The following AGBL4 variants were observed in gnomAD, a reference collection of about 807,000 sequenced individuals.
AGBL4 encodes cytosolic carboxypeptidase 6.
A neutral mutation model predicts 66.4 loss-of-function variants in AGBL4; 58 were observed. That is an observed-to-expected ratio of 0.87 (90% CI 0.71 to 1.09). The LOEUF is 1.09. Ranked by LOEUF, AGBL4 falls within the 50% of genes least tolerant of loss-of-function variation. AGBL4 has a pLI of 0.00. For missense variants in AGBL4, 579 were observed against 631.0 expected (o/e 0.92, Z 0.88); for synonymous variants, 234 against 222.9 (o/e 1.05, Z -0.44).
chr1:49,644,065 GA>G (rs1219802796), intron 3 of AGBL4, among the ~76,000 whole-genome samples: 1 of 151,664 alleles, frequency 6.6e-6, no homozygotes, highest in African/African-American at 2.4e-5. Context: ...GATGGAGTGA[GA>G]GGGGGAAATG....
intron 1 of AGBL4, among the ~76,000 whole-genome samples, chr1:50,020,213 A>C (rs546173308): frequency 6.6e-6 from 1 of 152,098 alleles, no homozygotes; most frequent in African/African-American, 2.4e-5. Context: ...GCAGTGAAAA[A>C]CCAATGAAGA....
chr1:49,213,128 T>TAAATAG (rs914884187), intron 4 of AGBL4, among the ~76,000 whole-genome samples: 160 of 152,160 alleles, frequency 1.1e-3, no homozygotes, highest in African/African-American at 3.7e-3. Context: ...TGGAGAAGGG[T>TAAATAG]AAATAGATAA....
At chr1:49,175,131 T>C (rs2148173032) in intron 4 of AGBL4, 1 of 152,146 alleles carries the variant, frequency 6.6e-6, no homozygotes, top group East Asian at 1.9e-4. Flanking sequence ...TAATGAGAGT[T>C]GAGATTTTTC....
At chr1:49,889,105 T>G (rs1648371392) in intron 1 of AGBL4, among the ~76,000 whole-genome samples, 1 of 152,222 alleles carries the variant, frequency 6.6e-6, no homozygotes, top group Non-Finnish European at 1.5e-5. Flanking sequence ...AGATTAGAGA[T>G]GAACTCATCG....
intron 5 of AGBL4, among the ~76,000 whole-genome samples, chr1:48,955,494 T>C (rs1276478302): frequency 6.6e-6 from 1 of 152,210 alleles, no homozygotes; most frequent in Non-Finnish European, 1.5e-5. Context: ...GAAAACTTTG[T>C]ATGCCATTTT....
intron 3 of AGBL4, among the ~76,000 whole-genome samples, chr1:49,281,660 T>G (rs1269792319): frequency 6.6e-6 from 1 of 152,244 alleles, no homozygotes; most frequent in Non-Finnish European, 1.5e-5. Context: ...CTCAGTTTCC[T>G]GGCATACAGC....
chr1:49,593,164 T>C (rs1409289680), intron 3 of AGBL4, among the ~76,000 whole-genome samples: 2 of 152,136 alleles, frequency 1.3e-5, no homozygotes, highest in African/African-American at 4.8e-5. Flanking sequence ...ATCCCAGCAG[T>C]TTGGGAGGCC....
intron 6 of AGBL4, among the ~76,000 whole-genome samples, chr1:48,716,119 C>G (rs746739822): frequency 3.3e-5 from 5 of 152,196 alleles, no homozygotes; most frequent in Non-Finnish European, 7.3e-5. Context: ...TAATTAGAGA[C>G]TACATATTTA....
intron 3 of AGBL4, among the ~76,000 whole-genome samples, chr1:49,348,308 C>T (rs1231764068): frequency 1.3e-5 from 2 of 152,004 alleles, no homozygotes; most frequent in African/African-American, 2.4e-5. Context: ...GTCCCAGCTA[C>T]TGGGTAGGCT....
intron 6 of AGBL4, among the ~76,000 whole-genome samples, chr1:48,822,160 G>C (rs1002203268): frequency 6.6e-6 from 1 of 152,242 alleles, no homozygotes; most frequent in African/African-American, 2.4e-5. Flanking sequence ...TTATATAATT[G>C]ATTCTGCAAT....
At chr1:49,711,587 T>C (rs1647670061) in intron 2 of AGBL4, among the ~76,000 whole-genome samples, 1 of 152,086 alleles carries the variant, frequency 6.6e-6, no homozygotes, top group African/African-American at 2.4e-5. Flanking sequence ...GGATATATTA[T>C]GAAGGAGCCT....
At chr1:49,636,506 T>C (rs1282685499) in intron 3 of AGBL4, among the ~76,000 whole-genome samples, 2 of 152,114 alleles carry the variant, frequency 1.3e-5, no homozygotes, top group Non-Finnish European at 2.9e-5. Flanking sequence ...ATTCAGTCCA[T>C]AGTAGTGAAA....
chr1:49,587,436 G>A (rs1464021426), intron 3 of AGBL4, among the ~76,000 whole-genome samples: 1 of 152,140 alleles, frequency 6.6e-6, no homozygotes, highest in African/African-American at 2.4e-5. Context: ...GAGATATGGT[G>A]ACTCATCTCA....
chr1:49,360,451 T>G (rs1270054021), intron 3 of AGBL4, among the ~76,000 whole-genome samples: 2 of 152,224 alleles, frequency 1.3e-5, no homozygotes, highest in Non-Finnish European at 2.9e-5. Context: ...GTCATTATAA[T>G]TTTTAGTAAC....
At chr1:49,420,989 T>A (rs961484860) in intron 3 of AGBL4, among the ~76,000 whole-genome samples, 1 of 152,156 alleles carries the variant, frequency 6.6e-6, no homozygotes, top group Non-Finnish European at 1.5e-5. Context: ...AGAACACAAG[T>A]AAGTCTCTCA....
At chr1:48,807,110 T>C (rs1257937464) in intron 6 of AGBL4, among the ~76,000 whole-genome samples, 1 of 152,246 alleles carries the variant, frequency 6.6e-6, no homozygotes, top group Non-Finnish European at 1.5e-5. Context: ...CATTCTGTGA[T>C]ATGCTTTTGA....
chr1:49,286,520 G>T (rs1188862422), intron 3 of AGBL4, among the ~76,000 whole-genome samples: 2 of 152,042 alleles, frequency 1.3e-5, no homozygotes, highest in Non-Finnish European at 2.9e-5. Context: ...AAAGTCTCAG[G>T]ATACAAAATC....
intron 6 of AGBL4, among the ~76,000 whole-genome samples, chr1:48,741,149 A>G (rs931095316): frequency 6.6e-6 from 1 of 152,218 alleles, no homozygotes; most frequent in Non-Finnish European, 1.5e-5. Context: ...TACTTTAAGA[A>G]AAACTCTCTA....
intron 1 of AGBL4, among the ~76,000 whole-genome samples, chr1:49,963,554 C>A (rs763153705): frequency 2.0e-5 from 3 of 152,130 alleles, no homozygotes; most frequent in Non-Finnish European, 4.4e-5. Flanking sequence ...ATAAAATATT[C>A]CAACATAGGC....
Sources: gnomAD v4.1 joint callset for allele counts (sites outside exome capture counted in the v4.1 genomes callset) on GRCh38, gnomAD v4.1.1 for gene constraint, MANE v1.5 for transcripts, NCBI Gene and HGNC (gene_info 2026-07-23, HGNC 2026-07-21) for gene names.